The following LRP1B variants were observed in gnomAD, a reference collection of about 807,000 sequenced individuals.
LRP1B encodes the protein low-density lipoprotein receptor-related protein 1B.
Under a neutral mutation model 556.6 loss-of-function variants are expected in LRP1B, and 217 were observed. The ratio of observed to expected loss-of-function variants is 0.39; its 90% CI spans 0.35 to 0.44. The LOEUF is 0.44. LRP1B is among the 20% of genes least tolerant of loss of function. The pLI is 1.00. For synonymous variants in LRP1B, 2,047 were observed against 1,865.8 expected (o/e 1.10, Z -2.50); for missense variants, 5,053 against 5,620.8 (o/e 0.90, Z 3.23).
rs185205335 is a variant in LRP1B, at chr2:140,235,240, C to G, written c.13561-356G>C. Among the ~76,000 whole-genome samples, 484 of 151,214 alleles carry G rather than the reference C, an allele frequency of 3.2e-3. 2 individuals are homozygous for G. Among genetic ancestry groups the G allele is most frequent in the African/African-American group, 0.011 (449 of 41,410 alleles). The stretch of plus-strand genomic sequence containing the variant: ...CTTCAAACTGTTCTGTGGTTACCCC[C>G]ATAGTCAAATCAATTTTATTAACTG... On this transcript the variant is annotated intron_variant, in intron 89 of 90. Coordinates refer to ENST00000389484, the MANE Select transcript of LRP1B (RefSeq NM_018557.3).
At chr2:140,320,003 A>G (rs1419730991) in intron 82 of LRP1B, among the ~76,000 whole-genome samples, 1 of 152,094 alleles carries the variant, frequency 6.6e-6, no homozygotes, top group African/African-American at 2.4e-5. Flanking sequence ...AACTAAAATG[A>G]ATGACTTATT....
chr2:141,151,089 G>C (rs1264578930), intron 7 of LRP1B, among the ~76,000 whole-genome samples: 1 of 152,110 alleles, frequency 6.6e-6, no homozygotes, highest in African/African-American at 2.4e-5. Flanking sequence ...AGACAGAATA[G>C]GCAGATTTAT....
intron 20 of LRP1B, among the ~76,000 whole-genome samples, chr2:140,924,433 GTTCAGCAA>G (rs1694828660): frequency 6.6e-6 from 1 of 151,868 alleles, no homozygotes; most frequent in Admixed American, 6.6e-5. Flanking sequence ...ATTTAAAGAC[GTTCAGCAA>G]TTATAATCTG....
intron 35 of LRP1B, among the ~76,000 whole-genome samples, chr2:140,768,629 T>C (rs995167455): frequency 5.3e-5 from 8 of 151,968 alleles, no homozygotes; most frequent in Non-Finnish European, 1.0e-4. Context: ...TTATTCATAT[T>C]AGCCGCAGCA....
At position 140,475,305 on chromosome 2, in the gene LRP1B, G is replaced by A. The variant is rs755990557; in HGVS notation, c.9458C>T (p.Pro3153Leu). 1 of 1,607,502 alleles carries A rather than the reference G, an allele frequency of 6.2e-7. No homozygotes were observed. Among genetic ancestry groups the A allele is most frequent in the Non-Finnish European group, 8.5e-7 (1 of 1,176,158 alleles). The change falls in exon 60 of 91, where the codon CCT becomes CTT. Residue 3153 changes from proline (P) to leucine (L), a missense_variant. By Grantham distance (98) the Pro-to-Leu change is moderately conservative (BLOSUM62 -3). Coordinates refer to ENST00000389484, the MANE Select transcript of LRP1B (RefSeq NM_018557.3). ...YLYWIDCCEY[P>L]HIGRVGMDGT... ...ATCCATTCCAACACGGCCAATATGA[G>A]GATACTCGCAGCAGTCAATCCAATA...
chr2:141,143,299 C>G lies in LRP1B; in HGVS notation c.1013+45122G>C, dbSNP rs1028430241. On this transcript the variant is annotated intron_variant, in intron 7 of 90. Coordinates refer to ENST00000389484, the MANE Select transcript of LRP1B (RefSeq NM_018557.3). ...ATATCTTTGCATGACTGAGTTCGTC[C>G]TGTTTATGTAGGGATAGCATTAAGT... Among the ~76,000 whole-genome samples, 4 of 151,986 alleles carry G rather than the reference C, an allele frequency of 2.6e-5. No homozygotes were observed. The East Asian group carries it at 7.8e-4, about 30-fold the overall frequency.
intron 23 of LRP1B, among the ~76,000 whole-genome samples, chr2:140,897,953 T>C (rs1317635652): frequency 6.6e-6 from 1 of 152,164 alleles, no homozygotes; most frequent in Admixed American, 6.5e-5. Flanking sequence ...CCCCACTTCA[T>C]GTATTCATCT....
chr2:140,569,965 T>C (rs1258483514), intron 43 of LRP1B, among the ~76,000 whole-genome samples: 2 of 151,826 alleles, frequency 1.3e-5, no homozygotes, highest in Non-Finnish European at 3.0e-5. Context: ...AAGAAGGACA[T>C]TTAAAAACTT....
chr2:141,289,850 T>A (rs71417138), intron 3 of LRP1B, among the ~76,000 whole-genome samples: 17,139 of 152,218 alleles, frequency 0.11, 1,223 homozygotes, highest in Admixed American at 0.18. Flanking sequence ...TTTTTGATTG[T>A]TTCTTCCTAC....
chr2:140,654,929 A>G (rs78748902), intron 41 of LRP1B, among the ~76,000 whole-genome samples: 1,820 of 152,230 alleles, frequency 0.012, 33 homozygotes, highest in African/African-American at 0.039. Flanking sequence ...AAGTATAATC[A>G]TTACTGTCAA....
At chr2:140,996,004 C>T (rs1292308160) in intron 15 of LRP1B, among the ~76,000 whole-genome samples, 1 of 151,900 alleles carries the variant, frequency 6.6e-6, no homozygotes, top group Non-Finnish European at 1.5e-5. Flanking sequence ...CCAACGTAAA[C>T]ATGAATGTTA....
chr2:142,097,541 G>A (rs1706418590), intron 1 of LRP1B, among the ~76,000 whole-genome samples: 3 of 151,552 alleles, frequency 2.0e-5, no homozygotes, highest in East Asian at 1.9e-4. Flanking sequence ...CATATATGGT[G>A]CTTTTCAATT....
chr2:141,813,586 A>C (rs1033571395), intron 1 of LRP1B, among the ~76,000 whole-genome samples: 1 of 149,906 alleles, frequency 6.7e-6, no homozygotes, highest in African/African-American at 2.5e-5. Flanking sequence ...TTTACTAAAA[A>C]CAAACAAACA....
At chr2:140,377,353 G>C (rs769576565) in intron 68 of LRP1B, among the ~76,000 whole-genome samples, 31 of 152,136 alleles carry the variant, frequency 2.0e-4, no homozygotes, top group Admixed American at 3.9e-4. Flanking sequence ...AGGATTACAG[G>C]CGTAAGCCAC....
intron 21 of LRP1B, among the ~76,000 whole-genome samples, chr2:140,920,524 A>C (rs1694708145): frequency 6.6e-6 from 1 of 152,068 alleles, no homozygotes; most frequent in Admixed American, 6.6e-5. Flanking sequence ...TATAGCTTGT[A>C]AAACTGAGAA....
intron 6 of LRP1B, among the ~76,000 whole-genome samples, chr2:141,216,568 T>A (rs965337266): frequency 1.9e-4 from 29 of 152,178 alleles, no homozygotes; most frequent in African/African-American, 6.7e-4. Flanking sequence ...CTGGCAGCTT[T>A]CACACTATGA....
intron 2 of LRP1B, among the ~76,000 whole-genome samples, chr2:141,642,073 G>A (rs1317332025): frequency 1.3e-5 from 2 of 152,028 alleles, no homozygotes; most frequent in South Asian, 2.1e-4. Context: ...CCATTTACTT[G>A]TTATATGACC....
intron 34 of LRP1B, 143 bp downstream of exon 34, chr2:140,770,738 T>C (rs1689281020): frequency 2.0e-6 from 1 of 502,036 alleles, no homozygotes; most frequent in Non-Finnish European, 3.4e-6. Context: ...CTTACACATA[T>C]GAGACTAAAC....
intron 41 of LRP1B, among the ~76,000 whole-genome samples, chr2:140,680,122 C>A (rs1685811006): frequency 6.6e-6 from 1 of 151,982 alleles, no homozygotes; most frequent in South Asian, 2.1e-4. Context: ...CGTTCCAGGG[C>A]CCACTTAAGA....
Sources: gnomAD v4.1 joint callset for allele counts (sites outside exome capture counted in the v4.1 genomes callset) on GRCh38, gnomAD v4.1.1 for gene constraint, MANE v1.5 for transcripts, NCBI Gene and HGNC (gene_info 2026-07-23, HGNC 2026-07-21) for gene names.